The following TRIM3 variants were observed in gnomAD, a reference collection of about 807,000 sequenced individuals.
TRIM3 encodes the protein tripartite motif-containing protein 3.
A neutral mutation model predicts 66.6 loss-of-function variants in TRIM3; 13 were observed. The ratio of observed to expected loss-of-function variants is 0.20; its 90% confidence interval spans 0.13 to 0.31. The LOEUF is 0.31. TRIM3 is among the 10% of genes least tolerant of loss of function. The pLI is 1.00. For missense variants in TRIM3, 711 were observed against 1,020.4 expected (o/e 0.70, Z 4.13); for synonymous variants, 406 against 411.7 (o/e 0.99, Z 0.17).
upstream of TRIM3, chr11:6,474,176 C>T (rs1850840394): frequency 6.6e-6 from 1 of 152,066 alleles, no homozygotes; most frequent in African/African-American, 2.4e-5. Flanking sequence ...ATCTCGGATC[C>T]CGGATCTCCG....
intron 7 of TRIM3, among the ~76,000 whole-genome samples, chr11:6,453,972 G>A (rs1418014026): frequency 1.3e-5 from 2 of 152,200 alleles, no homozygotes; most frequent in South Asian, 2.1e-4. Flanking sequence ...CCTAGCAGTG[G>A]CGACATAGAG....
chr11:6,470,040 G>A (rs1416429696), intron 1 of TRIM3, among the ~76,000 whole-genome samples: 3 of 152,170 alleles, frequency 2.0e-5, no homozygotes, highest in Non-Finnish European at 4.4e-5. Context: ...AAGGAGTTTA[G>A]ACTTTACGCT....
At position 6,457,053 on chromosome 11, in the gene TRIM3, G is replaced by A. The variant is rs1481863278; in HGVS notation, c.697-24C>T. The A allele has an allele frequency of 1.3e-6, 2 of 1,571,500 alleles. No homozygotes were observed. The highest frequency in any genetic ancestry group is 1.7e-6 in the Non-Finnish European group (2 of 1,159,484). On this transcript the variant is annotated intron_variant, in intron 5 of 11. Transcript: ENST00000345851. This position sits in a 1 kb window ranked among gnomAD's most constrained non-coding sequence, Gnocchi z 4.5. Reference sequence around the variant, plus strand: ...ACCTGATGAGGGGTAGGGGAGGAGTGGGTGAGCAGACTGGCACAGGGGGAG... The same window carrying A: ...ACCTGATGAGGGGTAGGGGAGGAGTAGGTGAGCAGACTGGCACAGGGGGAG...
Position 6,465,752 on chromosome 11 carries a change from G to C in TRIM3, c.-37-20C>G. On this transcript the variant is annotated intron_variant, in intron 1 of 11. Transcript: ENST00000345851. Reference sequence around the variant, plus strand: ...CAGCCTCTGTATGGAGAGATGGTCAGCACCAGGGAGTCCAGAACTTCTTCT... The same window carrying C: ...CAGCCTCTGTATGGAGAGATGGTCACCACCAGGGAGTCCAGAACTTCTTCT... 6.2e-7 allele frequency: 1 copy of C among 1,603,576 alleles called. No homozygotes were observed. Among genetic ancestry groups the C allele is most frequent in the South Asian group, 1.1e-5 (1 of 90,690 alleles).
intron 1 of TRIM3, among the ~76,000 whole-genome samples, chr11:6,468,729 T>C (rs1288689053): frequency 6.6e-6 from 1 of 152,188 alleles, no homozygotes; most frequent in Non-Finnish European, 1.5e-5. Context: ...AGACAATACA[T>C]GGCAGGGATT....
intron 1 of TRIM3, among the ~76,000 whole-genome samples, chr11:6,472,770 T>C (rs7123791): frequency 0.039 from 5,970 of 152,252 alleles, 201 homozygotes; most frequent in African/African-American, 0.08. Context: ...CTCTGCTTAA[T>C]ATAAGGAAGC....
intron 1 of TRIM3, among the ~76,000 whole-genome samples, chr11:6,472,282 C>T (rs919359657): frequency 8.5e-5 from 13 of 152,108 alleles, no homozygotes; most frequent in Non-Finnish European, 1.8e-4. Context: ...CCCAAGGTTC[C>T]CTCTCAAGCC....
At position 6,456,546 on chromosome 11, in the gene TRIM3, T is replaced by C. The variant is rs771567130; in HGVS notation, c.1180A>G (p.Thr394Ala). 11 of 1,605,334 alleles carry C rather than the reference T, an allele frequency of 6.9e-6. No individual in the cohort carries two copies. Among genetic ancestry groups the C allele is most frequent in the Admixed American group, 1.7e-5 (1 of 59,798 alleles). Residue 394 changes from threonine (T) to alanine (A), a missense_variant, in exon 6 of 12, where the codon ACG becomes GCG. By Grantham distance (58) the Thr-to-Ala change is moderately conservative. Transcript: ENST00000345851. This position sits in a 1 kb window ranked among gnomAD's most constrained non-coding sequence, Gnocchi z 6.4. ...ACCGAGAGGAGCAGCTCGCCTTCCG[T>C]GCGCGCTGTGTACACTAGCTCATAT... is the stretch of plus-strand genomic sequence containing the variant. ...GTYELVYTARTEGELLLSVLL... is the reference protein window; with the variant it reads ...GTYELVYTARAEGELLLSVLL...
intron 7 of TRIM3, among the ~76,000 whole-genome samples, chr11:6,454,619 A>G (rs576410393): frequency 2.2e-4 from 34 of 152,122 alleles, no homozygotes; most frequent in Middle Eastern, 3.4e-3. Context: ...ACTCCCCCGC[A>G]ATCCCCTCCT....
intron 1 of TRIM3, among the ~76,000 whole-genome samples, chr11:6,466,466 T>A (rs1850474416): frequency 6.6e-6 from 1 of 152,238 alleles, no homozygotes; most frequent in African/African-American, 2.4e-5. Flanking sequence ...GTCAGTACTC[T>A]GTTTAAATTC....
Position 6,457,616 on chromosome 11 carries a change from G to A in TRIM3, c.515+80C>T. ...GAGACTTCCATCTCTGCCCTTCCCAGACCCTTTATTCCCCTCCCCGCCCGA... is the reference window on the plus strand; with the variant it reads ...GAGACTTCCATCTCTGCCCTTCCCAAACCCTTTATTCCCCTCCCCGCCCGA... On this transcript the variant is annotated intron_variant, in intron 4 of 11. Coordinates refer to ENST00000345851, the MANE Select transcript of TRIM3 (RefSeq NM_033278.4). The surrounding 1 kb of genome is among the most constrained non-coding windows in gnomAD (Gnocchi z 4.5). 1 of 1,561,716 alleles carries A rather than the reference G, an allele frequency of 6.4e-7. No individual in the cohort carries two copies. The highest frequency in any genetic ancestry group is 1.2e-5 in the South Asian group (1 of 83,886).
At chr11:6,453,395 T>G (rs1849818882) in intron 7 of TRIM3, 1 of 152,262 alleles carries the variant, frequency 6.6e-6, no homozygotes, top group South Asian at 2.1e-4. Flanking sequence ...CTCTAGAATC[T>G]GCTGGTGTCC....
upstream of TRIM3, chr11:6,474,216 T>G (rs975563138): frequency 1.3e-5 from 2 of 152,040 alleles, no homozygotes; most frequent in Admixed American, 6.5e-5. Flanking sequence ...GGAAGGGCGG[T>G]GTAGTCGGTC....
At chr11:6,471,640 G>A (rs780270350) in intron 1 of TRIM3, among the ~76,000 whole-genome samples, 117 of 152,196 alleles carry the variant, frequency 7.7e-4, no homozygotes, top group Non-Finnish European at 1.2e-3. Flanking sequence ...TTAGACTAAT[G>A]TGAGAAACAG....
chr11:6,461,322 A>G (rs1487116002), intron 2 of TRIM3, among the ~76,000 whole-genome samples: 4 of 152,134 alleles, frequency 2.6e-5, no homozygotes, highest in Non-Finnish European at 5.9e-5. Flanking sequence ...CCTCTTCCCA[A>G]CTGGAACATT....
intron 7 of TRIM3, among the ~76,000 whole-genome samples, chr11:6,453,520 C>T (rs1849826202): frequency 6.6e-6 from 1 of 152,014 alleles, no homozygotes; most frequent in Admixed American, 6.6e-5. Context: ...TAAAACAAAA[C>T]AAAACCAGAC....
rs1329564740 is a variant in TRIM3, at chr11:6,448,646, G to A, written c.*382C>T. 2 of 445,534 alleles carry A rather than the reference G, an allele frequency of 4.5e-6. No homozygotes were observed. Among genetic ancestry groups the A allele is most frequent in the Non-Finnish European group, 4.0e-6 (1 of 248,598 alleles). 27.6% of individuals were successfully genotyped at this position (445,534 alleles called of 1,614,324 possible). On this transcript the variant is annotated 3_prime_UTR_variant, in exon 12 of 12. Transcript: ENST00000345851. ...AAGACATTTATTTAATATGGGGGGT[G>A]GGGTATTGCTGTCTCTGTCAGTGTG... is the stretch of plus-strand genomic sequence containing the variant.
intron 1 of TRIM3, among the ~76,000 whole-genome samples, chr11:6,469,917 G>T (rs1382468917): frequency 6.6e-6 from 1 of 152,314 alleles, no homozygotes; most frequent in South Asian, 2.1e-4. Context: ...GTTACAGAGA[G>T]TATGGTGCCT....
In TRIM3 at chr11:6,458,185, G is replaced by A. The variant is rs148017282; in HGVS notation, c.243C>T (p.Phe81=). The A allele has an allele frequency of 2.5e-6, 4 of 1,614,102 alleles. No individual in the cohort carries two copies. The African/African-American group carries it at 5.3e-5, about 22-fold the overall frequency. ...GCATTGCCTCCATGAGGCTGCTGAT[G>A]AAGAAGTTGTTCTGCAGTGCCGAGA... ...QGVSALQNNF[F]ISSLMEAMQQ... is the part of the protein sequence containing the mutation. Residue 81 remains phenylalanine (F), a synonymous_variant, in exon 3 of 12, where the codon TTC becomes TTT. Transcript: ENST00000345851. The surrounding 1 kb of genome is among the most constrained non-coding windows in gnomAD (Gnocchi z 6.2).
Sources: allele counts gnomAD v4.1 joint callset (sites outside exome capture counted in the v4.1 genomes callset), GRCh38; gene constraint gnomAD v4.1.1; non-coding constraint Gnocchi (gnomAD v3.1); transcripts MANE v1.5; gene names NCBI Gene and HGNC (gene_info 2026-07-23, HGNC 2026-07-21).